Variants in CPA6 observed in about 807,000 individuals in gnomAD.
CPA6 encodes the protein carboxypeptidase A6.
In CPA6, 58 loss-of-function variants were observed where a neutral mutation model predicts 63.3. The ratio of observed to expected loss-of-function variants is 0.92; its 90% CI spans 0.74 to 1.14. The LOEUF (loss-of-function observed/expected upper bound fraction) is 1.14. Ranked by LOEUF, CPA6 falls within the 50% of genes most tolerant of loss-of-function variation. The pLI, the probability that CPA6 is intolerant of heterozygous loss-of-function variation, is 0.00. For synonymous variants in CPA6, 185 were observed against 179.0 expected, an observed-to-expected ratio of 1.03 and a Z score of -0.27; for missense variants, 565 against 526.6, an observed-to-expected ratio of 1.07 and a Z score of -0.71.
intron 1 of CPA6, among the ~76,000 whole-genome samples, chr8:67,666,881 G>C (rs1473176199): frequency 1.3e-5 from 2 of 152,102 alleles, no homozygotes; most frequent in Admixed American, 1.3e-4. Flanking sequence ...CACCGGGTGG[G>C]CCTTAGGCCT....
chr8:67,446,300 C>T (rs1396119139), intron 8 of CPA6, among the ~76,000 whole-genome samples: 1 of 151,188 alleles, frequency 6.6e-6, no homozygotes, highest in East Asian at 1.9e-4. Flanking sequence ...GCTAGGCTGG[C>T]AATATGGTAT....
At chr8:67,578,480 G>A (rs1255804557) in intron 2 of CPA6, among the ~76,000 whole-genome samples, 1 of 152,060 alleles carries the variant, frequency 6.6e-6, no homozygotes, top group Non-Finnish European at 1.5e-5. Context: ...ATAGAGACAC[G>A]GTACCAGTGC....
At chr8:67,632,148 CTGTGTGTGTGTGTGTGTGTG>C (rs35463897) in intron 1 of CPA6, among the ~76,000 whole-genome samples, 3 of 147,744 alleles carry the variant, frequency 2.0e-5, no homozygotes, top group African/African-American at 5.0e-5. Context: ...AAAAATGATG[CTGTGTGTGTGTGTGTGTGTG>C]TGTGTGTGTG....
chr8:67,627,637 T>A (rs962541501), intron 1 of CPA6, among the ~76,000 whole-genome samples: 6 of 152,216 alleles, frequency 3.9e-5, no homozygotes, highest in Admixed American at 3.9e-4. Flanking sequence ...AAAGACAGCA[T>A]AAGCATTTTT....
intron 1 of CPA6, among the ~76,000 whole-genome samples, chr8:67,683,680 G>T (rs10101769): frequency 0.45 from 67,677 of 151,894 alleles, 17,416 homozygotes; most frequent in African/African-American, 0.72. Context: ...TCTTCTTTAT[G>T]CCTATTCAAA....
intron 2 of CPA6, among the ~76,000 whole-genome samples, chr8:67,578,097 T>A (rs1326691979): frequency 3.3e-5 from 5 of 152,156 alleles, no homozygotes; most frequent in Admixed American, 6.5e-5. Context: ...ATATAAAAAA[T>A]TTTTTAGTTT....
intron 2 of CPA6, among the ~76,000 whole-genome samples, chr8:67,543,767 C>T (rs193021326): frequency 1.0e-5 from 1 of 99,902 alleles, no homozygotes; most frequent in East Asian, 3.7e-4. Context: ...TCCCTTTTCC[C>T]CCTCCACTAT....
chr8:67,657,156 C>T (rs1001995235), intron 1 of CPA6, among the ~76,000 whole-genome samples: 13 of 152,092 alleles, frequency 8.5e-5, no homozygotes, highest in African/African-American at 3.1e-4. Flanking sequence ...AAGATACAAA[C>T]TGGGAAATAT....
chr8:67,636,821 G>T (rs1815478796), intron 1 of CPA6, among the ~76,000 whole-genome samples: 1 of 151,528 alleles, frequency 6.6e-6, no homozygotes, highest in African/African-American at 2.4e-5. Context: ...ATGTTCACAT[G>T]CAGATTCTCT....
At chr8:67,504,600 T>A (rs115563224) in intron 6 of CPA6, among the ~76,000 whole-genome samples, 4,511 of 152,264 alleles carry the variant, frequency 0.03, 221 homozygotes, top group African/African-American at 0.1. Flanking sequence ...TGAGGACTTA[T>A]GGCTTACCAA....
chr8:67,586,236 A>T (rs954712578), intron 2 of CPA6, among the ~76,000 whole-genome samples: 1 of 152,084 alleles, frequency 6.6e-6, no homozygotes, highest in African/African-American at 2.4e-5. Context: ...AGAGTAAGTC[A>T]TATTATTCTG....
intron 6 of CPA6, among the ~76,000 whole-genome samples, chr8:67,487,521 C>A (rs1033857066): frequency 6.6e-6 from 1 of 152,192 alleles, no homozygotes; most frequent in African/African-American, 2.4e-5. Context: ...ATAACGTGTG[C>A]ATGTGTCTTT....
chr8:67,583,785 C>A (rs16919074), intron 2 of CPA6, among the ~76,000 whole-genome samples: 10,259 of 152,036 alleles, frequency 0.067, 626 homozygotes, highest in African/African-American at 0.16. Context: ...AGTTGTGAAG[C>A]AAAGTTGTCC....
intron 6 of CPA6, among the ~76,000 whole-genome samples, chr8:67,501,007 C>G (rs1375372504): frequency 6.6e-6 from 1 of 152,032 alleles, no homozygotes; most frequent in African/African-American, 2.4e-5. Context: ...ATCCTCCCTC[C>G]CTTTTCATTC....
In CPA6 at chr8:67,455,663, CAAAAAAAAAAAAAA is replaced by C. The variant is rs552041509; in HGVS notation, c.839-21437_839-21424del. On this transcript the variant is annotated intron_variant, in intron 8 of 10. Transcript: ENST00000297770. ...TAGTGAAGCCCCTTCTCTACAAAAGCAAAAAAAAAAAAAAAAAAAAAAAAAAAAAAGAAAATGAT... is the reference window on the plus strand; with the variant it reads ...TAGTGAAGCCCCTTCTCTACAAAAGCAAAAAAAAAAAAAAAAGAAAATGAT... Among the ~76,000 whole-genome samples the C allele has an allele frequency of 2.6e-4, 8 of 30,258 alleles. No individual in the cohort carries two copies. In the East Asian group the frequency reaches 5.2e-3, roughly 20 times the overall value. 19.9% of individuals were successfully genotyped at this position (30,258 alleles called of 152,430 possible).
chr8:67,516,967 T>C (rs138538806), intron 3 of CPA6, among the ~76,000 whole-genome samples: 1,968 of 152,134 alleles, frequency 0.013, 15 homozygotes, highest in Middle Eastern at 0.02. Flanking sequence ...CAGCTAATTT[T>C]TGTATTTTTA....
intron 8 of CPA6, among the ~76,000 whole-genome samples, chr8:67,437,338 C>T (rs148792391): frequency 1.3e-5 from 2 of 151,950 alleles, no homozygotes; most frequent in Non-Finnish European, 2.9e-5. Context: ...GAGCTTGTAG[C>T]GAGCGGAGCT....
At chr8:67,585,171 T>C (rs1017516102) in intron 2 of CPA6, among the ~76,000 whole-genome samples, 1 of 151,992 alleles carries the variant, frequency 6.6e-6, no homozygotes, top group Non-Finnish European at 1.5e-5. Context: ...GTTTGAAGCT[T>C]AGAGTTTGAG....
intron 10 of CPA6, among the ~76,000 whole-genome samples, chr8:67,423,233 C>T (rs750519828): frequency 2.0e-4 from 31 of 152,240 alleles, no homozygotes; most frequent in South Asian, 4.2e-4. Context: ...TACAGGCCCG[C>T]GCCACCATGC....
Sources: gnomAD v4.1 joint callset for allele counts (sites outside exome capture counted in the v4.1 genomes callset) on GRCh38, gnomAD v4.1.1 for gene constraint, MANE v1.5 for transcripts, NCBI Gene and HGNC (gene_info 2026-07-23, HGNC 2026-07-21) for gene names.